The following FGF10 variants were observed in gnomAD, a reference collection of about 807,000 sequenced individuals.
The protein encoded by FGF10 is FGF-10.
Under a neutral mutation model 19.8 loss-of-function variants are expected in FGF10, and 2 were observed. The observed-to-expected ratio is 0.10, with a 90% CI of 0.04 to 0.32. FGF10 has a LOEUF of 0.32. Among genes scored for constraint, FGF10 ranks in the 10% least tolerant of loss-of-function variants. The pLI is 1.00. For synonymous variants in FGF10, 112 were observed against 94.0 expected, an observed-to-expected ratio of 1.19 and a Z score of -1.10; for missense variants, 191 against 246.3, an observed-to-expected ratio of 0.78 and a Z score of 1.50.
At chr5:44,340,023 G>A (rs539339729) in intron 1 of FGF10, among the ~76,000 whole-genome samples, 3 of 152,268 alleles carry the variant, frequency 2.0e-5, no homozygotes, top group East Asian at 3.9e-4. Flanking sequence ...AAGAACTTTA[G>A]AAAGTAGCCT....
intron 1 of FGF10, among the ~76,000 whole-genome samples, chr5:44,323,349 G>A (rs966713496): frequency 2.0e-5 from 3 of 152,080 alleles, no homozygotes; most frequent in Admixed American, 6.6e-5. Flanking sequence ...AGTTTAAAGG[G>A]TTTTCCTGGT....
intron 1 of FGF10, among the ~76,000 whole-genome samples, chr5:44,334,496 T>C (rs1032860783): frequency 2.0e-5 from 3 of 152,128 alleles, no homozygotes; most frequent in Admixed American, 2.0e-4. Context: ...AGGGAAATTT[T>C]TTTTTTATTA....
chr5:44,353,152 T>G (rs1019985175), intron 1 of FGF10, among the ~76,000 whole-genome samples: 17 of 151,614 alleles, frequency 1.1e-4, no homozygotes, highest in Non-Finnish European at 1.9e-4. Context: ...AACAGTGTCT[T>G]GTGAACACTT....
chr5:44,385,085 A>G (rs1742068390), intron 1 of FGF10, among the ~76,000 whole-genome samples: 1 of 152,148 alleles, frequency 6.6e-6, no homozygotes, highest in Admixed American at 6.5e-5. Context: ...CTCTAGATGT[A>G]AAGAATGATA....
intron 1 of FGF10, among the ~76,000 whole-genome samples, chr5:44,357,140 T>G (rs915490442): frequency 6.6e-6 from 1 of 151,408 alleles, no homozygotes; most frequent in Admixed American, 6.6e-5. Context: ...AACATTCTAA[T>G]GTAATTTCGA....
At chr5:44,362,411 C>T (rs1432904004) in intron 1 of FGF10, among the ~76,000 whole-genome samples, 1 of 151,368 alleles carries the variant, frequency 6.6e-6, no homozygotes, top group African/African-American at 2.4e-5. Flanking sequence ...CTCTGCTGCC[C>T]TGTTATTCTA....
At chr5:44,350,373 G>A (rs1741204957) in intron 1 of FGF10, among the ~76,000 whole-genome samples, 1 of 150,596 alleles carries the variant, frequency 6.6e-6, no homozygotes, top group African/African-American at 2.4e-5. Flanking sequence ...TCCATTTAAT[G>A]TGTAATTATA....
intron 1 of FGF10, among the ~76,000 whole-genome samples, chr5:44,330,922 G>A (rs963763685): frequency 6.6e-6 from 1 of 152,006 alleles, no homozygotes; most frequent in Non-Finnish European, 1.5e-5. Flanking sequence ...AAAAATGGAC[G>A]TTTTCTTCAG....
intron 1 of FGF10, among the ~76,000 whole-genome samples, chr5:44,349,450 AT>A (rs1378832930): frequency 1.2e-3 from 16 of 13,388 alleles, no homozygotes; most frequent in African/African-American, 3.1e-3. Context: ...ATATATATAT[AT>A]ATATATATAT....
At chr5:44,314,035 T>C (rs564263093) in intron 1 of FGF10, among the ~76,000 whole-genome samples, 1 of 152,202 alleles carries the variant, frequency 6.6e-6, no homozygotes, top group South Asian at 2.1e-4. Flanking sequence ...TAAAGGCAGG[T>C]CATACTGGCT....
At chr5:44,305,553 T>A (rs1740056375) in intron 2 of FGF10, among the ~76,000 whole-genome samples, 1 of 152,162 alleles carries the variant, frequency 6.6e-6, no homozygotes, top group South Asian at 2.1e-4. Context: ...AGTGTTATAA[T>A]GCTTCTTTTA....
intron 1 of FGF10, among the ~76,000 whole-genome samples, chr5:44,373,779 CA>C (rs1321238954): frequency 2.6e-5 from 4 of 152,114 alleles, no homozygotes; most frequent in Admixed American, 2.6e-4. Context: ...CTCACCTTAG[CA>C]CCTTTTATCC....
At chr5:44,306,647 G>T (rs1740082982) in intron 2 of FGF10, among the ~76,000 whole-genome samples, 1 of 152,178 alleles carries the variant, frequency 6.6e-6, no homozygotes. Context: ...ATACCTAGGT[G>T]TCTGTAGGAT....
chr5:44,325,078 AG>A (rs1740579207), intron 1 of FGF10, among the ~76,000 whole-genome samples: 1 of 152,206 alleles, frequency 6.6e-6, no homozygotes, highest in Non-Finnish European at 1.5e-5. Context: ...AAGTGGGCGA[AG>A]GATATGAGCA....
intron 1 of FGF10, among the ~76,000 whole-genome samples, chr5:44,373,203 A>G (rs1195374625): frequency 6.6e-6 from 1 of 152,146 alleles, no homozygotes; most frequent in East Asian, 1.9e-4. Flanking sequence ...AGGTAACCTC[A>G]TCTCTATTCC....
rs766290230 is a variant in FGF10 at position 44,388,724 on chromosome 5, G to T, written c.-42C>A. 1.3e-6 allele frequency: 2 copies of T among 1,599,166 alleles called. No individual in the cohort carries two copies. Among genetic ancestry groups the T allele is most frequent in the Admixed American group, 1.7e-5 (1 of 59,810 alleles). ...GCACTGGAAATTGTCTCATCAGAAG[G>T]AACATACTGGAAGGGTAAGACCCGA... On this transcript the variant is annotated 5_prime_UTR_variant, in exon 1 of 3. Transcript: ENST00000264664.
intron 1 of FGF10, among the ~76,000 whole-genome samples, chr5:44,371,440 T>C (rs1390006454): frequency 6.6e-6 from 1 of 152,162 alleles, no homozygotes; most frequent in Non-Finnish European, 1.5e-5. Context: ...AAGGCAACAC[T>C]AATTACCCAT....
chr5:44,338,799 G>T (rs1740905690), intron 1 of FGF10, among the ~76,000 whole-genome samples: 1 of 152,128 alleles, frequency 6.6e-6, no homozygotes, highest in Non-Finnish European at 1.5e-5. Context: ...TCTGTTTTAA[G>T]TATCAAAGTC....
At chr5:44,320,584 G>T (rs1035362996) in intron 1 of FGF10, among the ~76,000 whole-genome samples, 2 of 152,150 alleles carry the variant, frequency 1.3e-5, no homozygotes, top group African/African-American at 4.8e-5. Flanking sequence ...CATTCATTCT[G>T]CAAGCCTGCT....
Sources: allele counts gnomAD v4.1 joint callset (sites outside exome capture counted in the v4.1 genomes callset), GRCh38; gene constraint gnomAD v4.1.1; transcripts MANE v1.5; gene names NCBI Gene and HGNC (gene_info 2026-07-23, HGNC 2026-07-21).